The following FAT3 variants were observed in gnomAD, a reference collection of about 807,000 sequenced individuals.
FAT3 encodes the protein protocadherin Fat 3.
FAT3 carries 95 observed loss-of-function variants against 310.2 expected under a neutral mutation model. The observed-to-expected ratio is 0.31, with a 90% CI of 0.26 to 0.36. The LOEUF (loss-of-function observed/expected upper bound fraction) is 0.36, where lower values mean the gene tolerates loss of function less well. FAT3 is among the 10% of genes least tolerant of loss of function. The pLI is 1.00. For missense variants in FAT3, 5,408 were observed against 5,715.6 expected (o/e 0.95, Z 1.74); for synonymous variants, 2,314 against 2,192.9 (o/e 1.06, Z -1.54).
At chr11:92,554,276 C>A in intron 3 of FAT3, among the ~76,000 whole-genome samples, 1 of 151,698 alleles carries the variant, frequency 6.6e-6, no homozygotes, top group East Asian at 2.0e-4. Context: ...TCCTGGCTAA[C>A]ACGGTGAAAC....
At position 92,774,190 on chromosome 11, in the gene FAT3, T is replaced by G. The variant is rs1946533637; in HGVS notation, c.4335+10T>G. On this transcript the variant is annotated intron_variant, in intron 7 of 27. Coordinates refer to ENST00000525166, the MANE Select transcript of FAT3 (RefSeq NM_001367949.2). ...TGTTGCTGTTACTCAGGTGAGATGT[T>G]AAATTACTGAATAGCAGGAATGCTG... is the stretch of plus-strand genomic sequence containing the variant. 1.2e-6 allele frequency: 2 copies of G among 1,601,930 alleles called. No homozygotes were observed. Among genetic ancestry groups the G allele is most frequent in the South Asian group, 2.3e-5 (2 of 88,508 alleles).
intron 2 of FAT3, among the ~76,000 whole-genome samples, chr11:92,461,413 AATAC>A (rs1450830909): frequency 4.6e-5 from 7 of 152,216 alleles, no homozygotes; most frequent in Non-Finnish European, 1.0e-4. Flanking sequence ...TATCAGAGTA[AATAC>A]ATTTATAAAA....
At chr11:92,372,159 A>G (rs181079995) in intron 2 of FAT3, among the ~76,000 whole-genome samples, 13 of 152,292 alleles carry the variant, frequency 8.5e-5, no homozygotes, top group African/African-American at 3.1e-4. Context: ...CACATAGACC[A>G]TTAAGTCACA....
chr11:92,232,834 G>C (rs1864246496), intron 1 of FAT3, among the ~76,000 whole-genome samples: 1 of 151,912 alleles, frequency 6.6e-6, no homozygotes, highest in Non-Finnish European at 1.5e-5. Context: ...TTTTGGCCTA[G>C]CAACTTAGAA....
intron 23 of FAT3, 66 bp downstream of exon 23, chr11:92,880,950 A>T: frequency 2.0e-6 from 3 of 1,535,236 alleles, no homozygotes; most frequent in Non-Finnish European, 1.8e-6. Flanking sequence ...ACCAGTAAAC[A>T]ACTAATGAGG....
At chr11:92,605,760 G>A (rs1485999188) in intron 3 of FAT3, among the ~76,000 whole-genome samples, 1 of 141,596 alleles carries the variant, frequency 7.1e-6, no homozygotes, top group African/African-American at 2.8e-5. Context: ...GAGATTTGGG[G>A]AGAGTAATTC....
intron 1 of FAT3, chr11:92,336,543 A>G (rs898714441): frequency 5.4e-6 from 1 of 184,894 alleles, no homozygotes; most frequent in Non-Finnish European, 1.1e-5. Flanking sequence ...CTCTATGTGG[A>G]TTTTATAATA....
intron 1 of FAT3, among the ~76,000 whole-genome samples, chr11:92,316,692 GA>G (rs201556654): frequency 1.5e-4 from 23 of 150,402 alleles, no homozygotes; most frequent in South Asian, 6.3e-4. Context: ...TTGTGTTGAG[GA>G]AAAAAAAATG....
chr11:92,494,556 C>G (rs1245701655), intron 2 of FAT3, among the ~76,000 whole-genome samples: 1 of 151,880 alleles, frequency 6.6e-6, no homozygotes. Context: ...TGTGTGGGTA[C>G]TTTTATGCAT....
At chr11:92,343,792 G>A (rs1948337173) in intron 1 of FAT3, among the ~76,000 whole-genome samples, 1 of 152,134 alleles carries the variant, frequency 6.6e-6, no homozygotes, top group African/African-American at 2.4e-5. Context: ...ATGAGAATTT[G>A]TACCCTATGA....
At chr11:92,847,078 G>A (rs1948701128) in intron 19 of FAT3, among the ~76,000 whole-genome samples, 1 of 152,206 alleles carries the variant, frequency 6.6e-6, no homozygotes, top group African/African-American at 2.4e-5. Flanking sequence ...TGCATCTTAA[G>A]AACAGGGACT....
rs192729503 is a variant in FAT3, at chr11:92,411,940, C to T, written c.3292+56536C>T. Among the ~76,000 whole-genome samples, 15 of 152,074 alleles carry T rather than the reference C, an allele frequency of 9.9e-5. No homozygotes were observed. The East Asian group carries it at 2.7e-3, about 28-fold the overall frequency. ...TAATCTTCATTCATCAGCCTTTTCT[C>T]TTACATTCCAACCCTTTCATCATTT... On this transcript the variant is annotated intron_variant, in intron 2 of 27. Coordinates refer to ENST00000525166, the MANE Select transcript of FAT3 (RefSeq NM_001367949.2).
chr11:92,246,849 A>T (rs1368101126), intron 1 of FAT3, among the ~76,000 whole-genome samples: 1 of 152,108 alleles, frequency 6.6e-6, no homozygotes, highest in Non-Finnish European at 1.5e-5. Context: ...GAGGTTACTG[A>T]GAGTTGCAGG....
intron 3 of FAT3, among the ~76,000 whole-genome samples, chr11:92,679,008 G>A (rs1943381768): frequency 6.6e-6 from 1 of 151,944 alleles, no homozygotes; most frequent in African/African-American, 2.4e-5. Context: ...ACATCCATGT[G>A]TACACATTTT....
rs1487520588 is a variant in FAT3 at position 92,883,306 on chromosome 11, A to T, written c.12850A>T (p.Ser4284Cys). The change falls in exon 24 of 28, where the codon AGT (serine) becomes TGT (cysteine). Residue 4284 changes from serine (S) to cysteine (C), a missense_variant. Transcript: ENST00000525166. The surrounding 1 kb of genome is among the most constrained non-coding windows in gnomAD (Gnocchi z 4.2). ...LTARRGVVVC[S>C]VAPNLPAVSP... ...AGCCCGGCGGGGCGTGGTCGTGTGC[A>T]GTGTGGCCCCCAACCTCCCCGCCGT... 6.2e-7 allele frequency: 1 copy of T among 1,612,250 alleles called. No individual in the cohort carries two copies. Among genetic ancestry groups the T allele is most frequent in the East Asian group, 2.2e-5 (1 of 44,846 alleles).
intron 2 of FAT3, among the ~76,000 whole-genome samples, chr11:92,448,352 A>T (rs1951270193): frequency 6.6e-6 from 1 of 152,024 alleles, no homozygotes; most frequent in Non-Finnish European, 1.5e-5. Flanking sequence ...TTAAGAGGTG[A>T]CACTTGCCAG....
chr11:92,599,317 C>G (rs185391075), intron 3 of FAT3, among the ~76,000 whole-genome samples: 1 of 152,020 alleles, frequency 6.6e-6, no homozygotes, highest in South Asian at 2.1e-4. Flanking sequence ...AGGAGAAGTA[C>G]AGAATGAAGT....
chr11:92,750,634 TTC>T (rs10558123), intron 4 of FAT3, among the ~76,000 whole-genome samples: 80,069 of 149,412 alleles, frequency 0.54, 22,165 homozygotes, highest in African/African-American at 0.7. Context: ...GATTTGGCTG[TTC>T]TCTCTCTCTC....
intron 3 of FAT3, among the ~76,000 whole-genome samples, chr11:92,658,890 C>T (rs1487482429): frequency 6.6e-6 from 1 of 151,780 alleles, no homozygotes; most frequent in African/African-American, 2.4e-5. Context: ...AATGGTTGTC[C>T]TCAATGACTC....
Sources: gnomAD v4.1 joint callset for allele counts (sites outside exome capture counted in the v4.1 genomes callset) on GRCh38, gnomAD v4.1.1 for gene constraint, Gnocchi (gnomAD v3.1) non-coding constraint, MANE v1.5 for transcripts, NCBI Gene and HGNC (gene_info 2026-07-23, HGNC 2026-07-21) for gene names.